Variants in CDH5 observed in about 807,000 individuals in gnomAD.
The protein encoded by CDH5 is cadherin 5.
Under a neutral mutation model 62.0 loss-of-function variants are expected in CDH5, and 28 were observed. That is an observed-to-expected ratio of 0.45 (90% CI 0.33 to 0.62). CDH5 has a LOEUF of 0.62. CDH5 is among the 20% of genes least tolerant of loss of function. The probability of loss-of-function intolerance (pLI) is 0.02; values close to 1 mark genes in which losing one functional copy is unlikely to be tolerated. For synonymous variants in CDH5, 464 were observed against 445.8 expected (o/e 1.04, Z -0.52); for missense variants, 940 against 1,065.1 (o/e 0.88, Z 1.63).
At chr16:66,395,007 A>ACCAGGCT (rs1486456840) in intron 7 of CDH5, among the ~76,000 whole-genome samples, 1 of 81,518 alleles carries the variant, frequency 1.2e-5, no homozygotes, top group Non-Finnish European at 2.3e-5. Flanking sequence ...ACACCACCAC[A>ACCAGGCT]CCAGGCTAAT....
At chr16:66,370,083 C>A (rs1476092231) in intron 1 of CDH5, among the ~76,000 whole-genome samples, 2 of 152,170 alleles carry the variant, frequency 1.3e-5, no homozygotes, top group African/African-American at 4.8e-5. Context: ...TCACTGCAAC[C>A]TCCACCTCCC....
rs764121211 is a variant in CDH5 at position 66,403,176 on chromosome 16, G to A, written c.*7G>A. The A allele has an allele frequency of 5.6e-6, 9 of 1,603,478 alleles. No individual in the cohort carries two copies. The highest frequency in any genetic ancestry group is 7.7e-6 in the Non-Finnish European group (9 of 1,176,116). ...GGAGGAGCTGCTGTATTAGGCGGCC[G>A]AGGTCACTCTGGGCCTGGGGACCCA... On this transcript the variant is annotated 3_prime_UTR_variant, in exon 12 of 12. Coordinates refer to ENST00000341529, the MANE Select transcript of CDH5 (RefSeq NM_001795.5). The surrounding 1 kb of genome is among the most constrained non-coding windows in gnomAD (Gnocchi z 4.3).
chr16:66,380,970 C>T (rs1411928621), intron 2 of CDH5, among the ~76,000 whole-genome samples: 1 of 152,032 alleles, frequency 6.6e-6, no homozygotes, highest in South Asian at 2.1e-4. Context: ...ATATCACTAA[C>T]AGAAGGGCCA....
intron 8 of CDH5, among the ~76,000 whole-genome samples, chr16:66,397,275 A>C (rs988910223): frequency 6.6e-6 from 1 of 152,214 alleles, no homozygotes; most frequent in Non-Finnish European, 1.5e-5. Context: ...GATGAAGTGC[A>C]GTGGCACGAT....
chr16:66,374,131 C>A (rs529410331), intron 1 of CDH5, among the ~76,000 whole-genome samples: 3 of 152,154 alleles, frequency 2.0e-5, no homozygotes, highest in East Asian at 3.9e-4. Flanking sequence ...AAAATGGGAA[C>A]GCAGACAACT....
chr16:66,379,195 C>T (rs953081625), intron 1 of CDH5, 124 bp from the exon 2 acceptor site: 15 of 721,932 alleles, frequency 2.1e-5, no homozygotes, highest in East Asian at 7.5e-5. Context: ...GTTAATTACC[C>T]GCAGATTGTG....
rs751158899 is a variant in CDH5, at chr16:66,398,000, A to C, written c.1379A>C (p.Glu460Ala). ...LDSTGTPTGK[E>A]SIVQVHIEVL... Reference sequence around the variant, plus strand: ...CCTGCAGGAACCCCCACAGGAAAAGAATCCATTGTGCAAGTCCACATTGAA... The same window carrying C: ...CCTGCAGGAACCCCCACAGGAAAAGCATCCATTGTGCAAGTCCACATTGAA... Residue 460 changes from glutamate to alanine, a missense_variant, in exon 9 of 12, where the codon GAA becomes GCA. Coordinates refer to ENST00000341529, the MANE Select transcript of CDH5 (RefSeq NM_001795.5). 28 of 1,614,078 alleles carry C rather than the reference A, an allele frequency of 1.7e-5. No individual in the cohort carries two copies. The highest frequency in any genetic ancestry group is 2.2e-5 in the Non-Finnish European group (26 of 1,180,050).
At chr16:66,384,661 C>A (rs1258041752) in intron 2 of CDH5, among the ~76,000 whole-genome samples, 54 of 101,532 alleles carry the variant, frequency 5.3e-4, no homozygotes, top group South Asian at 7.6e-4. Flanking sequence ...GTACCTGTCT[C>A]AAAAAAAAAA....
chr16:66,387,127 C>T lies in CDH5; in HGVS notation c.499+30C>T, dbSNP rs774186557. On this transcript the variant is annotated intron_variant, in intron 3 of 11. Coordinates refer to ENST00000341529, the MANE Select transcript of CDH5 (RefSeq NM_001795.5). ...GTTGCATGCCCACTCTGTCCTCCTC[C>T]CTCCCTCATCCCCAGCCTGGGGGCA... The T allele has an allele frequency of 1.6e-4, 260 of 1,586,570 alleles. 1 individual carries two copies. Among genetic ancestry groups the T allele is most frequent in the Non-Finnish European group, 1.0e-5 (12 of 1,164,876 alleles).
chr16:66,371,079 GGGCCA>G (rs1441132284), intron 1 of CDH5, among the ~76,000 whole-genome samples: 1 of 152,110 alleles, frequency 6.6e-6, no homozygotes, highest in Non-Finnish European at 1.5e-5. Flanking sequence ...GAAGCAGAAG[GGGCCA>G]GGTCATAGCT....
intron 6 of CDH5, among the ~76,000 whole-genome samples, chr16:66,391,545 G>T (rs1457929291): frequency 6.6e-6 from 1 of 152,110 alleles, no homozygotes; most frequent in Non-Finnish European, 1.5e-5. Flanking sequence ...GGCCGAGGCA[G>T]GTGGATCACC....
At chr16:66,379,120 A>C (rs1434620585) in intron 1 of CDH5, 199 bp from the exon 2 acceptor site, 1 of 550,950 alleles carries the variant, frequency 1.8e-6, no homozygotes, top group South Asian at 2.6e-5. Flanking sequence ...TTGTTTACTC[A>C]TGTTGTCCTA....
At chr16:66,370,292 C>T (rs953212031) in intron 1 of CDH5, among the ~76,000 whole-genome samples, 9 of 152,054 alleles carry the variant, frequency 5.9e-5, no homozygotes, top group African/African-American at 1.9e-4. Flanking sequence ...TGAGCCACCA[C>T]ACCTGGCCAG....
At chr16:66,376,755 G>A (rs1286377885) in intron 1 of CDH5, among the ~76,000 whole-genome samples, 1 of 152,182 alleles carries the variant, frequency 6.6e-6, no homozygotes, top group African/African-American at 2.4e-5. Context: ...ACTCTCTGCA[G>A]CACCTCCCAT....
intron 1 of CDH5, among the ~76,000 whole-genome samples, chr16:66,373,276 G>A (rs1960725182): frequency 6.6e-6 from 1 of 152,162 alleles, no homozygotes; most frequent in South Asian, 2.1e-4. Context: ...TCCAGAGGCT[G>A]CAGCCAAGAG....
chr16:66,390,212 G>A (rs1455933987), intron 5 of CDH5, among the ~76,000 whole-genome samples, 191 bp from the exon 6 acceptor site: 1 of 152,222 alleles, frequency 6.6e-6, no homozygotes, highest in African/African-American at 2.4e-5. Flanking sequence ...TTTATTGGAT[G>A]GAGGGATGGA....
Position 66,397,960 on chromosome 16 carries a change from G to T in CDH5, c.1361-22G>T, listed in dbSNP as rs375734526. 24 of 1,613,910 alleles carry T rather than the reference G, an allele frequency of 1.5e-5. No homozygotes were observed. In the Admixed American group the frequency reaches 2.2e-4, roughly 15 times the overall value. Reference sequence around the variant, plus strand: ...GCCAGCATCAGCTGAGCCCATAATGGTGACAGTCTTCTCCCCTGCAGGAAC... The same window carrying T: ...GCCAGCATCAGCTGAGCCCATAATGTTGACAGTCTTCTCCCCTGCAGGAAC... On this transcript the variant is annotated intron_variant, in intron 8 of 11. Coordinates refer to ENST00000341529, the MANE Select transcript of CDH5 (RefSeq NM_001795.5).
intron 2 of CDH5, among the ~76,000 whole-genome samples, chr16:66,385,892 G>A (rs533582222): frequency 1.3e-5 from 2 of 152,304 alleles, no homozygotes; most frequent in African/African-American, 4.8e-5. Context: ...AATTTAAGCT[G>A]GTTCTTGAAA....
At chr16:66,382,116 G>A (rs1188330268) in intron 2 of CDH5, among the ~76,000 whole-genome samples, 3 of 152,246 alleles carry the variant, frequency 2.0e-5, no homozygotes, top group African/African-American at 7.2e-5. Flanking sequence ...CCCATGCTCA[G>A]ACTGAGAAGG....
Sources: allele counts gnomAD v4.1 joint callset (sites outside exome capture counted in the v4.1 genomes callset), GRCh38; gene constraint gnomAD v4.1.1; non-coding constraint Gnocchi (gnomAD v3.1); transcripts MANE v1.5; gene names NCBI Gene and HGNC (gene_info 2026-07-23, HGNC 2026-07-21).